Variants in STAP1 observed in about 807,000 individuals in gnomAD.
STAP1 encodes the protein signal-transducing adaptor protein 1.
In STAP1, 30 loss-of-function variants were observed where a neutral mutation model predicts 37.8. The ratio of observed to expected loss-of-function variants is 0.79; its 90% CI spans 0.59 to 1.08. The LOEUF is 1.08. STAP1 is among the 50% of genes least tolerant of loss of function. The pLI is 0.00. For missense variants in STAP1, 357 were observed against 349.4 expected, an observed-to-expected ratio of 1.02 and a Z score of -0.17; for synonymous variants, 130 against 116.0, an observed-to-expected ratio of 1.12 and a Z score of -0.78.
intron 8 of STAP1, among the ~76,000 whole-genome samples, chr4:67,604,750 TG>T (rs2109881150): frequency 6.6e-6 from 1 of 152,354 alleles, no homozygotes; most frequent in East Asian, 1.9e-4. Context: ...TGTGAGCCTC[TG>T]GGTCCTGTTA....
At chr4:67,603,279 C>T (rs148487208) in intron 8 of STAP1, among the ~76,000 whole-genome samples, 187 of 152,066 alleles carry the variant, frequency 1.2e-3, no homozygotes, top group African/African-American at 4.2e-3. Flanking sequence ...GGGTAAGGGG[C>T]GCCCCTCTGA....
rs1728087724 is a variant in STAP1 at position 67,590,057 on chromosome 4, G to T, written c.660-827G>T. Among the ~76,000 whole-genome samples the T allele has an allele frequency of 2.0e-5, 3 of 152,140 alleles. No individual in the cohort carries two copies. In the South Asian group the frequency reaches 6.2e-4, roughly 32 times the overall value. Reference sequence around the variant, plus strand: ...GGGCTCAAGTCATCCTCATGCCTTGGCCTCTCAAAAGTTCTGGGATTACAG... The same window carrying T: ...GGGCTCAAGTCATCCTCATGCCTTGTCCTCTCAAAAGTTCTGGGATTACAG... On this transcript the variant is annotated intron_variant, in intron 6 of 8. Coordinates refer to ENST00000265404, the MANE Select transcript of STAP1 (RefSeq NM_012108.4).
Position 67,572,646 on chromosome 4 carries a change from T to C in STAP1, c.192+1491T>C, listed in dbSNP as rs531899101. Among the ~76,000 whole-genome samples, 3 of 152,300 alleles carry C rather than the reference T, an allele frequency of 2.0e-5. No homozygotes were observed. The East Asian group carries it at 5.8e-4, about 29-fold the overall frequency. ...AAAGATCTCCAACACAGTCTTCAAA[T>C]CTCTAAAATCAGAATAAAAATAGTA... On this transcript the variant is annotated intron_variant, in intron 2 of 8. Coordinates refer to ENST00000265404, the MANE Select transcript of STAP1 (RefSeq NM_012108.4).
rs755347179 is a variant in STAP1, at chr4:67,606,309, T to C, written c.840T>C (p.Ser280=). 6.2e-7 allele frequency: 1 copy of C among 1,612,378 alleles called. No homozygotes were observed. Among genetic ancestry groups the C allele is most frequent in the Non-Finnish European group, 8.5e-7 (1 of 1,179,388 alleles). ...CACAATTTCTAGGTCAAGAACCCAG[T>C]ATGGAAGGGAGAAGTGAAAAGTTGA... The part of the protein sequence containing the change: ...STDENTGQEP[S]MEGRSEKLKK... Residue 280 remains serine (S), a synonymous_variant, in exon 9 of 9, where the codon AGT becomes AGC. Transcript: ENST00000265404.
intron 8 of STAP1, 40 bp from the exon 9 acceptor site, chr4:67,606,256 A>C: frequency 6.4e-7 from 1 of 1,550,884 alleles, no homozygotes; most frequent in Non-Finnish European, 8.8e-7. Context: ...TTTCTACAAT[A>C]TTGGTTCGCT....
chr4:67,606,236 G>C (rs1449918779), intron 8 of STAP1, 60 bp from the exon 9 acceptor site: 2 of 1,426,776 alleles, frequency 1.4e-6, no homozygotes, highest in African/African-American at 1.4e-5. Context: ...TGAAAATAAA[G>C]AACCACCGTT....
In STAP1 at chr4:67,585,995, TA is replaced by T. The variant is rs962161726; in HGVS notation, c.659+2295del. Among the ~76,000 whole-genome samples, 58 of 152,314 alleles carry T rather than the reference TA, an allele frequency of 3.8e-4. 1 individual carries two copies. The highest frequency in any genetic ancestry group is 1.3e-3 in the African/African-American group (56 of 41,572). On this transcript the variant is annotated intron_variant, in intron 6 of 8. Coordinates refer to ENST00000265404, the MANE Select transcript of STAP1 (RefSeq NM_012108.4). ...AGAGAGCAGATTTTTAATAGAAACA[TA>T]ATCTAACTGCTTAAATGTAAAATTA...
intron 8 of STAP1, among the ~76,000 whole-genome samples, chr4:67,594,622 C>T (rs946476150): frequency 2.6e-5 from 4 of 152,112 alleles, no homozygotes; most frequent in African/African-American, 7.2e-5. Flanking sequence ...TGAAACAATA[C>T]GACTTAAAAG....
At chr4:67,597,050 G>T (rs999219322) in intron 8 of STAP1, among the ~76,000 whole-genome samples, 1 of 152,176 alleles carries the variant, frequency 6.6e-6, no homozygotes, top group Non-Finnish European at 1.5e-5. Flanking sequence ...AATTTTCAAG[G>T]CAGCCCCTTT....
intron 6 of STAP1, among the ~76,000 whole-genome samples, chr4:67,586,776 A>T (rs535234833): frequency 6.6e-6 from 1 of 152,314 alleles, no homozygotes; most frequent in African/African-American, 2.4e-5. Flanking sequence ...TTCATATAGA[A>T]ATTCATGCTT....
In STAP1 at chr4:67,575,371, C is replaced by T. The variant is rs565642451; in HGVS notation, c.193-14C>T. 21 of 1,534,562 alleles carry T rather than the reference C, an allele frequency of 1.4e-5. No homozygotes were observed. The African/African-American group carries it at 2.5e-4, about 18-fold the overall frequency. On this transcript the variant is annotated splice_polypyrimidine_tract_variant and intron_variant, in intron 2 of 8. Coordinates refer to ENST00000265404, the MANE Select transcript of STAP1 (RefSeq NM_012108.4). ...CATGAAATAATGTAATGTGATCTTC[C>T]TTTATCTTTGCAGTATGTTGACAAA...
At chr4:67,563,939 TAAA>T (rs35320647) in intron 1 of STAP1, among the ~76,000 whole-genome samples, 17 of 145,938 alleles carry the variant, frequency 1.2e-4, no homozygotes, top group African/African-American at 1.0e-4. Flanking sequence ...AAACGATTGT[TAAA>T]AAAAAAAAAA....
At chr4:67,590,438 A>G (rs563913765) in intron 6 of STAP1, among the ~76,000 whole-genome samples, 2 of 152,216 alleles carry the variant, frequency 1.3e-5, no homozygotes, top group East Asian at 3.9e-4. Flanking sequence ...TTCTGGTTGG[A>G]TTGGTGACAA....
intron 2 of STAP1, among the ~76,000 whole-genome samples, chr4:67,574,746 C>T (rs971088013): frequency 5.3e-5 from 8 of 152,112 alleles, no homozygotes; most frequent in East Asian, 1.9e-4. Context: ...AAAACAAAAA[C>T]GAAGAATGTA....
In STAP1 at chr4:67,606,430, G is replaced by A; in HGVS notation, c.*73G>A. On this transcript the variant is annotated 3_prime_UTR_variant, in exon 9 of 9. Transcript: ENST00000265404. Reference sequence around the variant, plus strand: ...AAAACGAAGTTCTTACTTTTAAAGAGAATTACCTATATTCTCCTGATACTG... The same window carrying A: ...AAAACGAAGTTCTTACTTTTAAAGAAAATTACCTATATTCTCCTGATACTG... 1 of 1,324,980 alleles carries A rather than the reference G, an allele frequency of 7.5e-7. No homozygotes were observed. Among genetic ancestry groups the A allele is most frequent in the Non-Finnish European group, 1.0e-6 (1 of 954,406 alleles). The allele number at this position is 1,324,980 out of a possible 1,614,324, so 82.1% of individuals were successfully genotyped here.
intron 1 of STAP1, among the ~76,000 whole-genome samples, chr4:67,562,018 T>C (rs1349839031): frequency 1.6e-5 from 2 of 124,562 alleles, no homozygotes; most frequent in Non-Finnish European, 3.2e-5. Flanking sequence ...GTTGCAGTGA[T>C]CCGAGATCGC....
At chr4:67,599,803 GGCTCATT>G (rs1728302947) in intron 8 of STAP1, among the ~76,000 whole-genome samples, 1 of 151,702 alleles carries the variant, frequency 6.6e-6, no homozygotes, top group South Asian at 2.1e-4. Flanking sequence ...CACCACGGCT[GGCTCATT>G]TTTGTATTTT....
chr4:67,595,370 T>C (rs1577767407), intron 8 of STAP1, among the ~76,000 whole-genome samples: 1 of 45,968 alleles, frequency 2.2e-5, no homozygotes, highest in Non-Finnish European at 4.0e-5. Context: ...ACTTCGTTTC[T>C]ACAAAAAAAA....
At position 67,581,409 on chromosome 4, in the gene STAP1, G is replaced by A. The variant is rs747889951; in HGVS notation, c.468G>A (p.Thr156=). ...KKRRIETEQS[T]SVEKEKEPTE... is the part of the protein sequence containing the mutation. ...GGAGGATTGAGACAGAGCAGAGTAC[G>A]TCCGTGGAAAAAGAGAAGGAACCAA... The change falls in exon 5 of 9, where the codon ACG becomes ACA. Residue 156 remains threonine, a synonymous_variant. Coordinates refer to ENST00000265404, the MANE Select transcript of STAP1 (RefSeq NM_012108.4). 6.8e-6 allele frequency: 11 copies of A among 1,613,912 alleles called. No homozygotes were observed. Among genetic ancestry groups the A allele is most frequent in the Middle Eastern group, 1.6e-4 (1 of 6,062 alleles).
Sources: allele counts gnomAD v4.1 joint callset (sites outside exome capture counted in the v4.1 genomes callset), GRCh38; gene constraint gnomAD v4.1.1; transcripts MANE v1.5; gene names NCBI Gene and HGNC (gene_info 2026-07-23, HGNC 2026-07-21).